Variants in CNTNAP2 observed in about 807,000 individuals in gnomAD.
CNTNAP2 encodes contactin associated protein 2, also known as contactin-associated protein-like 2.
Under a neutral mutation model 155.2 loss-of-function variants are expected in CNTNAP2, and 98 were observed. The ratio of observed to expected loss-of-function variants is 0.63; its 90% CI spans 0.54 to 0.75. The LOEUF is 0.75. Ranked by LOEUF, CNTNAP2 falls within the 30% of genes least tolerant of loss-of-function variation. The pLI is 0.00. For missense variants in CNTNAP2, 1,727 were observed against 1,688.1 expected, an observed-to-expected ratio of 1.02 and a Z score of -0.40; for synonymous variants, 651 against 631.2, an observed-to-expected ratio of 1.03 and a Z score of -0.47.
In CNTNAP2 at chr7:148,309,708, C is replaced by T. The variant is rs184293277; in HGVS notation, c.3475+42582C>T. Among the ~76,000 whole-genome samples, 27 of 152,180 alleles carry T rather than the reference C, an allele frequency of 1.8e-4. No homozygotes were observed. The East Asian group carries it at 5.0e-3, about 28-fold the overall frequency. On this transcript the variant is annotated intron_variant, in intron 21 of 23. Coordinates refer to ENST00000361727, the MANE Select transcript of CNTNAP2 (RefSeq NM_014141.6). ...TGTCATCAGTTAAGGCATGAACAGG[C>T]CATTTTCACTTCTTTTGTGGTGGAA...
intron 18 of CNTNAP2, among the ~76,000 whole-genome samples, chr7:148,191,154 T>A (rs1188020007): frequency 6.6e-6 from 1 of 152,102 alleles, no homozygotes; most frequent in Non-Finnish European, 1.5e-5. Context: ...TGGGAGATGT[T>A]TAGGTCGTGA....
At chr7:146,875,944 AAAAAAAAAAAAAAAAAAC>A (rs1795415714) in intron 3 of CNTNAP2, among the ~76,000 whole-genome samples, 1 of 143,802 alleles carries the variant, frequency 7.0e-6, no homozygotes, top group African/African-American at 2.8e-5. Flanking sequence ...CAAAAAAAAA[AAAAAAAAAAAAAAAAAAC>A]AAAAAACAAA....
intron 11 of CNTNAP2, among the ~76,000 whole-genome samples, chr7:147,513,545 C>A (rs573835960): frequency 6.6e-6 from 1 of 152,306 alleles, no homozygotes; most frequent in East Asian, 1.9e-4. Context: ...ATAAAGCCTT[C>A]CATGTATGTG....
At chr7:148,199,625 G>T (rs952040791) in intron 18 of CNTNAP2, among the ~76,000 whole-genome samples, 7 of 152,308 alleles carry the variant, frequency 4.6e-5, no homozygotes, top group Non-Finnish European at 7.3e-5. Context: ...ACATGTGGAG[G>T]TTGGGCACTT....
At chr7:147,652,887 T>C (rs935448164) in intron 13 of CNTNAP2, among the ~76,000 whole-genome samples, 3 of 152,184 alleles carry the variant, frequency 2.0e-5, no homozygotes, top group Non-Finnish European at 4.4e-5. Context: ...TATTTTTTTG[T>C]TGTTTTGTTA....
At chr7:147,947,243 T>C (rs1277988422) in intron 14 of CNTNAP2, among the ~76,000 whole-genome samples, 1 of 152,070 alleles carries the variant, frequency 6.6e-6, no homozygotes, top group African/African-American at 2.4e-5. Flanking sequence ...TGGTTAATCT[T>C]TCCTGGTTGT....
chr7:147,283,960 A>G (rs1805113955), intron 8 of CNTNAP2, among the ~76,000 whole-genome samples: 1 of 151,728 alleles, frequency 6.6e-6, no homozygotes, highest in Admixed American at 6.6e-5. Flanking sequence ...TTACTAAGAT[A>G]CAATATTCAA....
intron 2 of CNTNAP2, among the ~76,000 whole-genome samples, chr7:146,787,297 G>C (rs567658602): frequency 5.3e-5 from 8 of 152,326 alleles, no homozygotes; most frequent in Admixed American, 3.3e-4. Context: ...TGGTCTCGCT[G>C]ACTTCAAGAA....
At chr7:147,676,662 C>T (rs1795874046) in intron 13 of CNTNAP2, among the ~76,000 whole-genome samples, 1 of 151,916 alleles carries the variant, frequency 6.6e-6, no homozygotes, top group Non-Finnish European at 1.5e-5. Context: ...CAACCACCAT[C>T]CACCAACTAC....
At chr7:147,358,299 C>T (rs1796094860) in intron 9 of CNTNAP2, among the ~76,000 whole-genome samples, 1 of 152,062 alleles carries the variant, frequency 6.6e-6, no homozygotes, top group Admixed American at 6.6e-5. Context: ...TTTTCCTCTT[C>T]TCTATAAGCA....
At chr7:146,671,779 G>T (rs1800311509) in intron 1 of CNTNAP2, among the ~76,000 whole-genome samples, 1 of 151,726 alleles carries the variant, frequency 6.6e-6, no homozygotes, top group Non-Finnish European at 1.5e-5. Context: ...CACAGATACA[G>T]TATTCTCTTT....
chr7:147,496,798 ATTT>A (rs5888262), intron 11 of CNTNAP2: 1 of 149,858 alleles, frequency 6.7e-6, no homozygotes, highest in Non-Finnish European at 1.5e-5. Flanking sequence ...TTTATTTTTT[ATTT>A]TTTTTTATAA....
intron 12 of CNTNAP2, among the ~76,000 whole-genome samples, chr7:147,629,342 G>A (rs1460491584): frequency 6.6e-6 from 1 of 151,718 alleles, no homozygotes; most frequent in Non-Finnish European, 1.5e-5. Flanking sequence ...GGCAGAGGTT[G>A]CAGTGAGTTG....
intron 1 of CNTNAP2, among the ~76,000 whole-genome samples, chr7:146,641,386 A>G (rs1585020191): frequency 6.6e-6 from 1 of 152,308 alleles, no homozygotes; most frequent in East Asian, 1.9e-4. Context: ...CCAGAAGCAG[A>G]AAATCAAATA....
At chr7:147,129,687 C>T (rs535237030) in intron 7 of CNTNAP2, among the ~76,000 whole-genome samples, 1 of 152,084 alleles carries the variant, frequency 6.6e-6, no homozygotes, top group Non-Finnish European at 1.5e-5. Context: ...CACTGTGCTC[C>T]AAAAGAGCTC....
intron 1 of CNTNAP2, among the ~76,000 whole-genome samples, chr7:146,647,898 C>T (rs1238053123): frequency 2.0e-5 from 3 of 152,202 alleles, no homozygotes; most frequent in African/African-American, 7.2e-5. Flanking sequence ...TTACATGCCA[C>T]AGTTACATTA....
At chr7:146,802,856 C>T (rs1359940516) in intron 2 of CNTNAP2, among the ~76,000 whole-genome samples, 2 of 152,042 alleles carry the variant, frequency 1.3e-5, no homozygotes, top group Non-Finnish European at 2.9e-5. Flanking sequence ...TAGACTTAGA[C>T]AAATAGTGTG....
chr7:147,989,483 A>T (rs567940805), intron 15 of CNTNAP2, among the ~76,000 whole-genome samples: 2 of 152,224 alleles, frequency 1.3e-5, no homozygotes, highest in Non-Finnish European at 2.9e-5. Flanking sequence ...GTTAGCCAAC[A>T]TCATCATTCT....
At chr7:146,944,999 T>C (rs891941671) in intron 3 of CNTNAP2, among the ~76,000 whole-genome samples, 2 of 152,240 alleles carry the variant, frequency 1.3e-5, no homozygotes, top group East Asian at 1.9e-4. Flanking sequence ...TGGCATTTCT[T>C]TTTATATTTT....
Sources: gnomAD v4.1 joint callset for allele counts (sites outside exome capture counted in the v4.1 genomes callset) on GRCh38, gnomAD v4.1.1 for gene constraint, MANE v1.5 for transcripts, NCBI Gene and HGNC (gene_info 2026-07-23, HGNC 2026-07-21) for gene names.